ZDHHC15: variants seen among roughly 807,000 people sequenced by gnomAD.
ZDHHC15 encodes palmitoyltransferase ZDHHC15.
A neutral mutation model predicts 31.7 loss-of-function variants in ZDHHC15; 19 were observed. The ratio of observed to expected loss-of-function variants is 0.60; its 90% confidence interval spans 0.42 to 0.88. ZDHHC15 has a LOEUF of 0.88. Among genes scored for constraint, ZDHHC15 ranks in the 40% least tolerant of loss-of-function variants. The pLI is 0.00. For missense variants in ZDHHC15, 209 were observed against 251.2 expected (o/e 0.83, Z 1.14); for synonymous variants, 103 against 90.0 (o/e 1.14, Z -0.82).
chrX:75,440,417 C>G (rs983639859), intron 4 of ZDHHC15, among the ~76,000 whole-genome samples: 2 of 111,025 alleles, frequency 1.8e-5, no homozygotes, highest in Non-Finnish European at 3.8e-5. Flanking sequence ...GTAGCTGGGA[C>G]TACAGGCGCC....
chrX:75,427,530 T>G (rs1436306565), intron 7 of ZDHHC15, among the ~76,000 whole-genome samples: 1 of 111,546 alleles, frequency 9.0e-6, no homozygotes. Flanking sequence ...AAGTGGTTCC[T>G]AAACAGTAGC....
intron 2 of ZDHHC15, among the ~76,000 whole-genome samples, chrX:75,491,627 A>G (rs2148011647): frequency 9.0e-6 from 1 of 110,806 alleles, no homozygotes; most frequent in African/African-American, 3.3e-5. Context: ...AAGTATAATA[A>G]TAATAAAATA....
intron 2 of ZDHHC15, among the ~76,000 whole-genome samples, chrX:75,502,767 T>G (rs2085106781): frequency 9.0e-6 from 1 of 111,012 alleles, no homozygotes; most frequent in Non-Finnish European, 1.9e-5. Flanking sequence ...CAGGGAAGAT[T>G]TCCCAGTCAT....
intron 4 of ZDHHC15, among the ~76,000 whole-genome samples, chrX:75,443,392 T>A (rs1432904671): frequency 9.0e-6 from 1 of 111,447 alleles, no homozygotes; most frequent in Non-Finnish European, 1.9e-5. Context: ...TAACAAACGG[T>A]GTTGGGAAAA....
chrX:75,426,646 A>AT (rs984889186), intron 7 of ZDHHC15, among the ~76,000 whole-genome samples: 1 of 111,266 alleles, frequency 9.0e-6, no homozygotes, highest in African/African-American at 3.3e-5. Context: ...ATGTATTACT[A>AT]TTTTTTACAT....
At chrX:75,374,742 G>T (rs1181190843) in intron 11 of ZDHHC15, among the ~76,000 whole-genome samples, 3 of 107,492 alleles carry the variant, frequency 2.8e-5, no homozygotes, top group Non-Finnish European at 1.9e-5. Flanking sequence ...TCAATAAAAA[G>T]AAATCAATTA....
Position 75,466,206 on chromosome X carries a change from T to G in ZDHHC15, c.258+12685A>C, listed in dbSNP as rs1377824911. 3.6e-5 allele frequency among the ~76,000 whole-genome samples: 4 copies of G among 111,983 alleles called. No individual in the cohort carries two copies. The Admixed American group carries it at 3.8e-4, about 11-fold the overall frequency. ...ACAAACATGTAAAAAAAGCTCAACA[T>G]CACTGATTATTAAACACAAATCAAA... On this transcript the variant is annotated intron_variant, in intron 3 of 11. Coordinates refer to ENST00000373367, the MANE Select transcript of ZDHHC15 (RefSeq NM_144969.3).
chrX:75,408,890 G>C (rs1460358230), intron 10 of ZDHHC15, among the ~76,000 whole-genome samples: 1 of 111,908 alleles, frequency 8.9e-6, no homozygotes, highest in Non-Finnish European at 1.9e-5. Flanking sequence ...AATTTAAGAA[G>C]TGAAAGATCT....
intron 3 of ZDHHC15, among the ~76,000 whole-genome samples, chrX:75,465,000 A>T (rs2084380056): frequency 8.9e-6 from 1 of 112,133 alleles, no homozygotes; most frequent in Non-Finnish European, 1.9e-5. Context: ...AAATAGGAAT[A>T]AAGGAAGTCA....
intron 2 of ZDHHC15, among the ~76,000 whole-genome samples, chrX:75,491,187 T>G (rs1366266996): frequency 9.0e-6 from 1 of 110,972 alleles, no homozygotes; most frequent in Non-Finnish European, 1.9e-5. Flanking sequence ...GGATGTTTAC[T>G]GCAGCACTAT....
rs2083555746 is a variant in ZDHHC15 at position 75,416,973 on chromosome X, T to C, written c.967+114A>G. 12 of 563,352 alleles carry C rather than the reference T, an allele frequency of 2.1e-5. No homozygotes were observed. The South Asian group carries it at 3.6e-4, about 17-fold the overall frequency. 46.4% of individuals were successfully genotyped at this position (563,352 alleles called of 1,213,427 possible). ...ATATGGCCATACTTGCTCTCCACCA[T>C]CCAGAGGACACTTATGAGGTTGACA... On this transcript the variant is annotated intron_variant, in intron 10 of 11. Coordinates refer to ENST00000373367, the MANE Select transcript of ZDHHC15 (RefSeq NM_144969.3).
chrX:75,440,373 G>A lies in ZDHHC15; in HGVS notation c.380-8853C>T, dbSNP rs866102511. On this transcript the variant is annotated intron_variant, in intron 4 of 11. Transcript: ENST00000373367. ...CGGCTCAATGCAAGCTCCGCCTTCC[G>A]GGTTCATGCCATTCTCTCGCCTTAG... is the stretch of plus-strand genomic sequence containing the variant. 2.3e-4 allele frequency among the ~76,000 whole-genome samples: 25 copies of A among 110,966 alleles called. 1 individual carries two copies. The highest frequency in any genetic ancestry group is 8.5e-3 in the Middle Eastern group (2 of 234).
At chrX:75,459,407 T>A (rs2084277220) in intron 3 of ZDHHC15, among the ~76,000 whole-genome samples, 1 of 111,625 alleles carries the variant, frequency 9.0e-6, no homozygotes, top group African/African-American at 3.3e-5. Context: ...TGAGATGAGA[T>A]AAAGTTCCTG....
At chrX:75,428,951 T>G (rs1377346526) in intron 7 of ZDHHC15, 127 bp downstream of exon 7, 2 of 958,943 alleles carry the variant, frequency 2.1e-6, no homozygotes, top group Non-Finnish European at 2.8e-6. Flanking sequence ...TTTTAGTGCC[T>G]TCTCTTCCAG....
intron 10 of ZDHHC15, among the ~76,000 whole-genome samples, chrX:75,394,600 A>G (rs779704695): frequency 3.6e-5 from 4 of 112,431 alleles, no homozygotes; most frequent in Non-Finnish European, 5.6e-5. Flanking sequence ...ATACATTTTA[A>G]GACAAAAACT....
intron 3 of ZDHHC15, among the ~76,000 whole-genome samples, chrX:75,466,998 C>T (rs763167483): frequency 7.2e-5 from 8 of 111,400 alleles, no homozygotes; most frequent in African/African-American, 2.3e-4. Flanking sequence ...CAAACATTTA[C>T]CTGTATAACA....
At chrX:75,429,828 T>C in intron 6 of ZDHHC15, 120 bp downstream of exon 6, 1 of 733,829 alleles carries the variant, frequency 1.4e-6, no homozygotes, top group Non-Finnish European at 2.0e-6. Flanking sequence ...CCTACAGAAA[T>C]ATAAAACCCA....
At chrX:75,411,834 G>A (rs930226471) in intron 10 of ZDHHC15, among the ~76,000 whole-genome samples, 1 of 111,713 alleles carries the variant, frequency 9.0e-6, no homozygotes, top group African/African-American at 3.3e-5. Flanking sequence ...AAATGAAAAT[G>A]CAACTTACAG....
rs748251767 is a variant in ZDHHC15, at chrX:75,415,102, G to C, written c.967+1985C>G. Reference sequence around the variant, plus strand: ...CAAGCACATTTATACTAAATGAAATGTTATATTTTGGGCTAGGAATAAAAA... The same window carrying C: ...CAAGCACATTTATACTAAATGAAATCTTATATTTTGGGCTAGGAATAAAAA... On this transcript the variant is annotated intron_variant, in intron 10 of 11. Coordinates refer to ENST00000373367, the MANE Select transcript of ZDHHC15 (RefSeq NM_144969.3). 1.3e-4 allele frequency among the ~76,000 whole-genome samples: 15 copies of C among 111,408 alleles called. 1 individual carries two copies. The South Asian group carries it at 5.6e-3, about 42-fold the overall frequency.
Sources: gnomAD v4.1 joint callset for allele counts (sites outside exome capture counted in the v4.1 genomes callset) on GRCh38, gnomAD v4.1.1 for gene constraint, MANE v1.5 for transcripts, NCBI Gene and HGNC (gene_info 2026-07-23, HGNC 2026-07-21) for gene names.